Variants in TSPAN33 observed in about 807,000 individuals in gnomAD.
The protein encoded by TSPAN33 is tetraspanin 33.
A neutral mutation model predicts 34.8 loss-of-function variants in TSPAN33; 27 were observed. The ratio of observed to expected loss-of-function variants is 0.78; its 90% CI spans 0.57 to 1.07. TSPAN33 has a LOEUF of 1.07. TSPAN33 is among the 50% of genes least tolerant of loss of function. The pLI, the probability that TSPAN33 is intolerant of heterozygous loss-of-function variation, is 0.00. For missense variants in TSPAN33, 272 were observed against 324.9 expected (o/e 0.84, Z 1.25); for synonymous variants, 119 against 124.2 (o/e 0.96, Z 0.28).
chr7:129,150,316 C>T (rs1159719747), intron 1 of TSPAN33, among the ~76,000 whole-genome samples: 1 of 152,188 alleles, frequency 6.6e-6, no homozygotes, highest in Non-Finnish European at 1.5e-5. Context: ...CCCTCTGAGC[C>T]ACCTCCTGGG....
intron 1 of TSPAN33, among the ~76,000 whole-genome samples, chr7:129,146,017 G>T (rs1487767347): frequency 6.6e-6 from 1 of 151,952 alleles, no homozygotes; most frequent in African/African-American, 2.4e-5. Flanking sequence ...TGGGGTGTGA[G>T]AACATAGGGA....
Position 129,167,674 on chromosome 7 carries a change from A to G in TSPAN33, c.751-99A>G, listed in dbSNP as rs1189904933. 2 of 1,557,890 alleles carry G rather than the reference A, an allele frequency of 1.3e-6. No homozygotes were observed. Among genetic ancestry groups the G allele is most frequent in the East Asian group, 2.2e-5 (1 of 44,450 alleles). On this transcript the variant is annotated intron_variant, in intron 7 of 7. Coordinates refer to ENST00000486685, the MANE Select transcript of TSPAN33 (RefSeq NM_178562.5). This position sits in a 1 kb window ranked among gnomAD's most constrained non-coding sequence, Gnocchi z 4.6. Reference sequence around the variant, plus strand: ...TCAGGCACTGACATGGCTGAGGGGTAGGGAAAGGGATAGTGCTGGCCGCAC... The same window carrying G: ...TCAGGCACTGACATGGCTGAGGGGTGGGGAAAGGGATAGTGCTGGCCGCAC...
chr7:129,166,689 C>G, intron 5 of TSPAN33, 89 bp from the exon 6 acceptor site: 1 of 1,522,350 alleles, frequency 6.6e-7, no homozygotes, highest in Non-Finnish European at 8.9e-7. Context: ...TAGAAGCTTG[C>G]TATAGACTTT....
rs2150626867 is a variant in TSPAN33, at chr7:129,162,475, G to A, written c.242G>A (p.Cys81Tyr). 6.2e-7 allele frequency: 1 copy of A among 1,613,926 alleles called. No homozygotes were observed. The highest frequency in any genetic ancestry group is 2.2e-5 in the East Asian group (1 of 44,880). ...GTCCTCATGTTCCTGCTCACCTTCT[G>A]TGGCTGCATTGGGTCCCTCCGCGAG... is the stretch of plus-strand genomic sequence containing the variant. ...VGVLMFLLTF[C>Y]GCIGSLRENI... is the part of the protein sequence containing the mutation. Residue 81 changes from cysteine to tyrosine, a missense_variant, in exon 3 of 8, where the codon TGT (cysteine) becomes TAT (tyrosine). By Grantham distance (194) the Cys-to-Tyr change is radical. Transcript: ENST00000486685.
At chr7:129,154,149 T>G (rs1161318093) in intron 1 of TSPAN33, among the ~76,000 whole-genome samples, 1 of 151,144 alleles carries the variant, frequency 6.6e-6, no homozygotes, top group Non-Finnish European at 1.5e-5. Context: ...CTGGGCAACC[T>G]AGCAAGATCA....
intron 5 of TSPAN33, chr7:129,164,795 G>A (rs1481656960): frequency 1.1e-5 from 5 of 461,036 alleles, no homozygotes; most frequent in Non-Finnish European, 2.0e-5. Context: ...TACCTACAGG[G>A]GGTGAGGAAC....
intron 1 of TSPAN33, among the ~76,000 whole-genome samples, chr7:129,151,018 A>G (rs992475944): frequency 6.6e-6 from 1 of 152,206 alleles, no homozygotes; most frequent in Non-Finnish European, 1.5e-5. Context: ...CTTCCTATAT[A>G]TCCCATGAAC....
chr7:129,153,796 G>T (rs1171605558), intron 1 of TSPAN33, among the ~76,000 whole-genome samples: 1 of 151,792 alleles, frequency 6.6e-6, no homozygotes, highest in Non-Finnish European at 1.5e-5. Context: ...TTAAAAATTA[G>T]CCCAGTTGGT....
rs543065810 is a variant in TSPAN33 at position 129,162,723 on chromosome 7, G to T, written c.289-110G>T. The T allele has an allele frequency of 1.3e-4, 181 of 1,437,060 alleles. 1 individual carries two copies. The African/African-American group carries it at 2.3e-3, about 18-fold the overall frequency. 89.0% of individuals were successfully genotyped at this position (1,437,060 alleles called of 1,614,324 possible). On this transcript the variant is annotated intron_variant, in intron 3 of 7. Coordinates refer to ENST00000486685, the MANE Select transcript of TSPAN33 (RefSeq NM_178562.5). ...TCCCAGAGGCAGCTGCCTTTCTCAT[G>T]TGTGGGGCATCTGGGAGAATTGCCT...
intron 5 of TSPAN33, 177 bp from the exon 6 acceptor site, chr7:129,166,601 A>G: frequency 1.6e-6 from 1 of 622,870 alleles, no homozygotes; most frequent in Non-Finnish European, 2.8e-6. Flanking sequence ...AGAAGTGAGA[A>G]TATCTTCAGG....
intron 1 of TSPAN33, among the ~76,000 whole-genome samples, chr7:129,149,252 C>T (rs1278970567): frequency 6.6e-6 from 1 of 152,188 alleles, no homozygotes; most frequent in Non-Finnish European, 1.5e-5. Flanking sequence ...AAACGTCAAG[C>T]AGCCTTTAAA....
At position 129,168,984 on chromosome 7, in the gene TSPAN33, C is replaced by T. The variant is rs1793187578; in HGVS notation, c.*1110C>T. On this transcript the variant is annotated 3_prime_UTR_variant, in exon 8 of 8. Transcript: ENST00000486685. ...GCGTCTCCTTCAACCGATGCATTGC[C>T]ACCCTCCCACAGCCTCGCCCTCTGC... 1.3e-5 allele frequency among the ~76,000 whole-genome samples: 2 copies of T among 152,206 alleles called. No homozygotes were observed. Among genetic ancestry groups the T allele is most frequent in the African/African-American group, 4.8e-5 (2 of 41,450 alleles).
chr7:129,144,716 T>G lies in TSPAN33; in HGVS notation c.-265T>G, dbSNP rs1248992583. On this transcript the variant is annotated 5_prime_UTR_variant, in exon 1 of 8. Coordinates refer to ENST00000486685, the MANE Select transcript of TSPAN33 (RefSeq NM_178562.5). ...GGGCGGGCCGGGTTTCCTGGGCGCC[T>G]GGCTGGCCGGGCTGGTCCTGCGGCC... Among the ~76,000 whole-genome samples, 15 of 79,780 alleles carry G rather than the reference T, an allele frequency of 1.9e-4. No homozygotes were observed. Among genetic ancestry groups the G allele is most frequent in the South Asian group, 1.8e-3 (4 of 2,188 alleles). The allele number at this position is 79,780 out of a possible 152,430, so 52.3% of individuals were successfully genotyped here.
intron 3 of TSPAN33, 118 bp downstream of exon 3, chr7:129,162,639 C>T: frequency 2.0e-6 from 3 of 1,526,580 alleles, no homozygotes; most frequent in Non-Finnish European, 2.7e-6. Context: ...GCTGTCCACC[C>T]CTCAGTGCAG....
chr7:129,147,570 T>C (rs1810537645), intron 1 of TSPAN33, among the ~76,000 whole-genome samples: 1 of 152,204 alleles, frequency 6.6e-6, no homozygotes, highest in Admixed American at 6.5e-5. Context: ...CTGGTTCCCA[T>C]GCTTTCTTTT....
chr7:129,155,110 TAGAC>T (rs1031907595), intron 1 of TSPAN33, among the ~76,000 whole-genome samples: 44 of 152,330 alleles, frequency 2.9e-4, no homozygotes, highest in African/African-American at 9.6e-4. Flanking sequence ...ATTCGTGACA[TAGAC>T]AGAATTGGAG....
chr7:129,163,230 G>A (rs1197989852), intron 4 of TSPAN33, among the ~76,000 whole-genome samples: 3 of 151,690 alleles, frequency 2.0e-5, no homozygotes, highest in Admixed American at 2.0e-4. Flanking sequence ...CTGACAATAT[G>A]AAGAGCCTCT....
At chr7:129,166,071 G>A (rs891153031) in intron 5 of TSPAN33, among the ~76,000 whole-genome samples, 1 of 152,088 alleles carries the variant, frequency 6.6e-6, no homozygotes, top group African/African-American at 2.4e-5. Context: ...CTGAGTAGCT[G>A]GGATTACAGG....
intron 1 of TSPAN33, among the ~76,000 whole-genome samples, chr7:129,151,763 A>G (rs1196805222): frequency 3.9e-5 from 6 of 152,168 alleles, no homozygotes; most frequent in Non-Finnish European, 8.8e-5. Flanking sequence ...GGCAAGCAGA[A>G]GAGGACAAGT....
Sources: gnomAD v4.1 joint callset for allele counts (sites outside exome capture counted in the v4.1 genomes callset) on GRCh38, gnomAD v4.1.1 for gene constraint, Gnocchi (gnomAD v3.1) non-coding constraint, MANE v1.5 for transcripts, NCBI Gene and HGNC (gene_info 2026-07-23, HGNC 2026-07-21) for gene names.